Variants in GPSM3 observed in about 807,000 individuals in gnomAD.
GPSM3 encodes the protein G protein-signaling modulator 3.
Under a neutral mutation model 20.4 loss-of-function variants are expected in GPSM3, and 16 were observed. The observed-to-expected ratio is 0.78, with a 90% CI of 0.53 to 1.19. The LOEUF is 1.19. Among genes scored for constraint, GPSM3 ranks in the 50% most tolerant of loss-of-function variants. The pLI is 0.00. For synonymous variants in GPSM3, 70 were observed against 79.6 expected (o/e 0.88, Z 0.64); for missense variants, 177 against 204.6 (o/e 0.86, Z 0.82).
Position 32,192,596 on chromosome 6 carries a change from G to A in GPSM3, c.-83C>T, listed in dbSNP as rs1324701299. On this transcript the variant is annotated 5_prime_UTR_variant, in exon 1 of 4. Coordinates refer to ENST00000375040, the MANE Select transcript of GPSM3 (RefSeq NM_001276501.2). The surrounding 1 kb of genome is among the most constrained non-coding windows in gnomAD (Gnocchi z 5.1). The stretch of plus-strand genomic sequence containing the variant: ...GAACCTTGGGTTCCTGAGGGGAGTG[G>A]GGGCTGGAAGGGGTGGGGGTGAGCT... 5.3e-5 allele frequency: 47 copies of A among 891,048 alleles called. No homozygotes were observed. The highest frequency in any genetic ancestry group is 5.4e-5 in the Non-Finnish European group (31 of 573,170). 55.2% of individuals were successfully genotyped at this position (891,048 alleles called of 1,614,324 possible).
Position 32,191,567 on chromosome 6 carries a change from G to T in GPSM3, c.346-64C>A. The T allele has an allele frequency of 6.6e-7, 1 of 1,516,414 alleles. No individual in the cohort carries two copies. Among genetic ancestry groups the T allele is most frequent in the Non-Finnish European group, 8.8e-7 (1 of 1,131,248 alleles). 93.9% of individuals were successfully genotyped at this position (1,516,414 alleles called of 1,614,324 possible). A position where few individuals can be genotyped will look rare whatever the true frequency, so the allele number is the denominator to read the frequency against. Reference sequence around the variant, plus strand: ...TCTGAGAGGAGGAGGTTCTTGAGAGGATCAAGGGTTGGTATGGGGAGGCAT... The same window carrying T: ...TCTGAGAGGAGGAGGTTCTTGAGAGTATCAAGGGTTGGTATGGGGAGGCAT... On this transcript the variant is annotated intron_variant, in intron 3 of 3. Coordinates refer to ENST00000375040, the MANE Select transcript of GPSM3 (RefSeq NM_001276501.2). The surrounding 1 kb of genome is among the most constrained non-coding windows in gnomAD (Gnocchi z 5.9).
Position 32,192,594 on chromosome 6 carries a change from TG to T in GPSM3, c.-82del. ...TGGAACCTTGGGTTCCTGAGGGGAGTGGGGGCTGGAAGGGGTGGGGGTGAGC... is the reference window on the plus strand; with the variant it reads ...TGGAACCTTGGGTTCCTGAGGGGAGTGGGGCTGGAAGGGGTGGGGGTGAGC... On this transcript the variant is annotated 5_prime_UTR_variant, in exon 1 of 4. Transcript: ENST00000375040. The surrounding 1 kb of genome is among the most constrained non-coding windows in gnomAD (Gnocchi z 5.1). 2.1e-6 allele frequency: 1 copy of T among 470,004 alleles called. No individual in the cohort carries two copies. The highest frequency in any genetic ancestry group is 3.6e-6 in the Non-Finnish European group (1 of 280,374). 29.1% of individuals were successfully genotyped at this position (470,004 alleles called of 1,614,324 possible). A position where few individuals can be genotyped will look rare whatever the true frequency, so the allele number is the denominator to read the frequency against.
chr6:32,192,662 C>G (rs1201709241), upstream of GPSM3: 2 of 491,822 alleles, frequency 4.1e-6, no homozygotes, highest in African/African-American at 2.0e-5. This position sits in a 1 kb window ranked among gnomAD's most constrained non-coding sequence, Gnocchi z 5.1. Flanking sequence ...AGCTGGGTTC[C>G]TGGTCAGCCC....
At position 32,192,119 on chromosome 6, in the gene GPSM3, C is replaced by T. The variant is rs368024177; in HGVS notation, c.145+29G>A. The T allele has an allele frequency of 9.8e-5, 146 of 1,482,718 alleles. No individual in the cohort carries two copies. The highest frequency in any genetic ancestry group is 1.2e-4 in the Non-Finnish European group (132 of 1,105,170). 91.8% of individuals were successfully genotyped at this position (1,482,718 alleles called of 1,614,324 possible). On this transcript the variant is annotated intron_variant, in intron 2 of 3. Transcript: ENST00000375040. The surrounding 1 kb of genome is among the most constrained non-coding windows in gnomAD (Gnocchi z 5.1). ...GGGGTCAGGATGTGGGCACTAGGGT[C>T]GGGGCTCTCCCTGGGTGGGTAGGGG...
upstream of GPSM3, chr6:32,194,883 G>T: frequency 4.3e-6 from 1 of 233,632 alleles, no homozygotes; most frequent in Middle Eastern, 1.3e-3. The surrounding 1 kb of genome is among the most constrained non-coding windows in gnomAD (Gnocchi z 4.5). Flanking sequence ...ACAGATTTAG[G>T]GTTCTTAAAT....
chr6:32,192,452 C>A lies in GPSM3; in HGVS notation c.42+20G>T. 6.3e-7 allele frequency: 1 copy of A among 1,583,510 alleles called. No individual in the cohort carries two copies. Among genetic ancestry groups the A allele is most frequent in the East Asian group, 2.3e-5 (1 of 43,904 alleles). ...CCTTCTTTCCCAGTGTCAGCCTCCC[C>A]AACCCCGTGCCCAGCTCACCTGCTC... On this transcript the variant is annotated intron_variant, in intron 1 of 3. Transcript: ENST00000375040. The surrounding 1 kb of genome is among the most constrained non-coding windows in gnomAD (Gnocchi z 5.1).
upstream of GPSM3, chr6:32,195,286 T>A: frequency 1.4e-6 from 1 of 709,122 alleles, no homozygotes; most frequent in East Asian, 2.8e-5. This position sits in a 1 kb window ranked among gnomAD's most constrained non-coding sequence, Gnocchi z 5.4. Context: ...ACGTGGAAGA[T>A]GTCTGCTCTG....
At position 32,191,988 on chromosome 6, in the gene GPSM3, C is replaced by G; in HGVS notation, c.146-80G>C. 1 of 1,399,668 alleles carries G rather than the reference C, an allele frequency of 7.1e-7. No homozygotes were observed. Among genetic ancestry groups the G allele is most frequent in the African/African-American group, 1.4e-5 (1 of 70,318 alleles). The allele number at this position is 1,399,668 out of a possible 1,614,324, so 86.7% of individuals were successfully genotyped here. A position where few individuals can be genotyped will look rare whatever the true frequency, so the allele number is the denominator to read the frequency against. On this transcript the variant is annotated intron_variant, in intron 2 of 3. Transcript: ENST00000375040. The surrounding 1 kb of genome is among the most constrained non-coding windows in gnomAD (Gnocchi z 5.9). ...CCGTGGGGGAGTGTGGACAGGGTGACGTGATTAGGGACTTTGGATCAGAGG... is the reference window on the plus strand; with the variant it reads ...CCGTGGGGGAGTGTGGACAGGGTGAGGTGATTAGGGACTTTGGATCAGAGG...
At chr6:32,193,409 A>G (rs1252496936), upstream of GPSM3, among the ~76,000 whole-genome samples, 1 of 152,142 alleles carries the variant, frequency 6.6e-6, no homozygotes, top group Non-Finnish European at 1.5e-5. This position sits in a 1 kb window ranked among gnomAD's most constrained non-coding sequence, Gnocchi z 4.7. Flanking sequence ...TTGAGGCAGG[A>G]GAATTGCTTG....
upstream of GPSM3, among the ~76,000 whole-genome samples, chr6:32,193,687 C>G (rs1403179311): frequency 6.6e-6 from 1 of 151,760 alleles, no homozygotes; most frequent in Non-Finnish European, 1.5e-5. The surrounding 1 kb of genome is among the most constrained non-coding windows in gnomAD (Gnocchi z 4.7). Flanking sequence ...TTGCTTGAGC[C>G]CAGGAGGTTG....
At chr6:32,193,441 G>A (rs1035451415), upstream of GPSM3, among the ~76,000 whole-genome samples, 9 of 152,112 alleles carry the variant, frequency 5.9e-5, no homozygotes, top group East Asian at 1.9e-4. The surrounding 1 kb of genome is among the most constrained non-coding windows in gnomAD (Gnocchi z 4.7). Flanking sequence ...CGGAGGTTGC[G>A]GTGAACTGAG....
At chr6:32,192,782 C>A (rs902242723), upstream of GPSM3, 58 of 388,744 alleles carry the variant, frequency 1.5e-4, no homozygotes, top group African/African-American at 1.0e-3. This position sits in a 1 kb window ranked among gnomAD's most constrained non-coding sequence, Gnocchi z 5.1. Flanking sequence ...AAAAACTCCT[C>A]CAGCTGCAGG....
rs970789750 is a variant in GPSM3, at chr6:32,191,641, G to C, written c.345+68C>G. The C allele has an allele frequency of 1.4e-6, 2 of 1,481,460 alleles. No individual in the cohort carries two copies. Among genetic ancestry groups the C allele is most frequent in the Non-Finnish European group, 9.1e-7 (1 of 1,094,956 alleles). 91.8% of individuals were successfully genotyped at this position (1,481,460 alleles called of 1,614,324 possible). On this transcript the variant is annotated intron_variant, in intron 3 of 3. Coordinates refer to ENST00000375040, the MANE Select transcript of GPSM3 (RefSeq NM_001276501.2). The surrounding 1 kb of genome is among the most constrained non-coding windows in gnomAD (Gnocchi z 5.9). ...GGGTGCCTAGGGAGAAACAGGAGTA[G>C]AGCCCCAAAGAGAACAGGGGCCAAG... is the stretch of plus-strand genomic sequence containing the variant.
chr6:32,191,186 C>A lies in GPSM3; in HGVS notation c.*180G>T. 1 of 722,186 alleles carries A rather than the reference C, an allele frequency of 1.4e-6. No homozygotes were observed. Among genetic ancestry groups the A allele is most frequent in the Non-Finnish European group, 2.1e-6 (1 of 465,670 alleles). The allele number at this position is 722,186 out of a possible 1,614,324, so 44.7% of individuals were successfully genotyped here. On this transcript the variant is annotated 3_prime_UTR_variant, in exon 4 of 4. Coordinates refer to ENST00000375040, the MANE Select transcript of GPSM3 (RefSeq NM_001276501.2). This position sits in a 1 kb window ranked among gnomAD's most constrained non-coding sequence, Gnocchi z 5.9. ...ATCCCTGTTCCATCTCGCCTGTTCCCAGAGTTTGAGGACTTTCACCCTGTC... is the reference window on the plus strand; with the variant it reads ...ATCCCTGTTCCATCTCGCCTGTTCCAAGAGTTTGAGGACTTTCACCCTGTC...
At chr6:32,193,495 G>A (rs185017654), upstream of GPSM3, among the ~76,000 whole-genome samples, 10 of 152,020 alleles carry the variant, frequency 6.6e-5, no homozygotes, top group Admixed American at 3.9e-4. This position sits in a 1 kb window ranked among gnomAD's most constrained non-coding sequence, Gnocchi z 4.7. Flanking sequence ...GCGAGACTCC[G>A]TCTCCAAAAT....
rs1281946525 is a variant in GPSM3, at chr6:32,191,692, C to T, written c.345+17G>A. On this transcript the variant is annotated intron_variant, in intron 3 of 3. Coordinates refer to ENST00000375040, the MANE Select transcript of GPSM3 (RefSeq NM_001276501.2). The surrounding 1 kb of genome is among the most constrained non-coding windows in gnomAD (Gnocchi z 5.9). ...AGACCAGGAGGCCTGGGTTTGCCTC[C>T]TGGGGGGATGTCTTACCTGGTGACT... 2.5e-6 allele frequency: 4 copies of T among 1,585,712 alleles called. No homozygotes were observed. Among genetic ancestry groups the T allele is most frequent in the Non-Finnish European group, 3.4e-6 (4 of 1,162,466 alleles).
rs1019724972 is a variant in GPSM3, at chr6:32,191,176, C to A, written c.*190G>T. ...GGGGAGTTAAATCCCTGTTCCATCT[C>A]GCCTGTTCCCAGAGTTTGAGGACTT... On this transcript the variant is annotated 3_prime_UTR_variant, in exon 4 of 4. Transcript: ENST00000375040. The surrounding 1 kb of genome is among the most constrained non-coding windows in gnomAD (Gnocchi z 5.9). 3 of 652,524 alleles carry A rather than the reference C, an allele frequency of 4.6e-6. No individual in the cohort carries two copies. Among genetic ancestry groups the A allele is most frequent in the African/African-American group, 3.8e-5 (2 of 52,686 alleles). 40.4% of individuals were successfully genotyped at this position (652,524 alleles called of 1,614,324 possible). A position where few individuals can be genotyped will look rare whatever the true frequency, so the allele number is the denominator to read the frequency against.
Position 32,191,254 on chromosome 6 carries a change from TGTGCC to T in GPSM3, c.*107_*111del. 1 of 1,266,178 alleles carries T rather than the reference TGTGCC, an allele frequency of 7.9e-7. No individual in the cohort carries two copies. The highest frequency in any genetic ancestry group is 1.5e-5 in the South Asian group (1 of 67,462). 78.4% of individuals were successfully genotyped at this position (1,266,178 alleles called of 1,614,324 possible). On this transcript the variant is annotated 3_prime_UTR_variant, in exon 4 of 4. Transcript: ENST00000375040. This position sits in a 1 kb window ranked among gnomAD's most constrained non-coding sequence, Gnocchi z 5.9. ...GATGTGGGAGATGAATATTGAGATTTGTGCCGTGTCTTTCAGTCTCTGGTACCCCT... is the reference window on the plus strand; with the variant it reads ...GATGTGGGAGATGAATATTGAGATTTGTGTCTTTCAGTCTCTGGTACCCCT...
rs1179725943 is a variant in GPSM3 at position 32,192,252 on chromosome 6, T to C, written c.43-2A>G. Reference sequence around the variant, plus strand: ...GCCTTCCTCATCCTGAGGGGGGCCCTGATGCCAAAATATGTCCATTCTAGT... The same window carrying C: ...GCCTTCCTCATCCTGAGGGGGGCCCCGATGCCAAAATATGTCCATTCTAGT... On this transcript the variant is annotated splice_acceptor_variant, in intron 1 of 3. Transcript: ENST00000375040. LOFTEE classifies it high-confidence loss of function. This position sits in a 1 kb window ranked among gnomAD's most constrained non-coding sequence, Gnocchi z 5.1. The C allele has an allele frequency of 2.6e-6, 4 of 1,521,036 alleles. No homozygotes were observed. Among genetic ancestry groups the C allele is most frequent in the Middle Eastern group, 3.5e-4 (2 of 5,636 alleles). 94.2% of individuals were successfully genotyped at this position (1,521,036 alleles called of 1,614,324 possible). A position where few individuals can be genotyped will look rare whatever the true frequency, so the allele number is the denominator to read the frequency against.
Sources: gnomAD v4.1 joint callset for allele counts (sites outside exome capture counted in the v4.1 genomes callset) on GRCh38, gnomAD v4.1.1 for gene constraint, Gnocchi (gnomAD v3.1) non-coding constraint, MANE v1.5 for transcripts, NCBI Gene and HGNC (gene_info 2026-07-23, HGNC 2026-07-21) for gene names.